The following BRCA2 variants were observed in gnomAD, a reference collection of about 807,000 sequenced individuals.
BRCA2 encodes the protein breast cancer type 2 susceptibility protein.
A neutral mutation model predicts 276.7 loss-of-function variants in BRCA2; 203 were observed. That is an observed-to-expected ratio of 0.73 (90% CI 0.65 to 0.82). BRCA2 has a LOEUF of 0.82. BRCA2 is among the 40% of genes least tolerant of loss of function. The pLI is 0.00. For missense variants in BRCA2, 3,920 were observed against 3,915.0 expected (o/e 1.00, Z -0.03); for synonymous variants, 1,289 against 1,338.4 (o/e 0.96, Z 0.81).
intron 16 of BRCA2, among the ~76,000 whole-genome samples, chr13:32,359,240 A>G (rs1035822639): frequency 7.3e-5 from 11 of 151,418 alleles, no homozygotes; most frequent in Non-Finnish European, 1.2e-4. Context: ...AAAAAAAAAA[A>G]AAAGAAAGTT....
chr13:32,388,732 T>C (rs1183810267), intron 24 of BRCA2, among the ~76,000 whole-genome samples: 1 of 151,250 alleles, frequency 6.6e-6, no homozygotes, highest in African/African-American at 2.4e-5. Flanking sequence ...TTAAGTCAAA[T>C]TGATTAATGT....
At chr13:32,319,049 A>C in intron 2 of BRCA2, 28 bp from the exon 3 acceptor site, 1 of 1,610,790 alleles carries the variant, frequency 6.2e-7, no homozygotes, top group African/African-American at 1.3e-5. Context: ...ACTGGTTAAA[A>C]CTAAGGTGGG....
At chr13:32,376,547 T>C (rs2072873073) in intron 20 of BRCA2, 123 bp from the exon 21 acceptor site, 1 of 1,111,402 alleles carries the variant, frequency 9.0e-7, no homozygotes, top group East Asian at 2.6e-5. Context: ...AAAAAACTTT[T>C]AGCAGTTATA....
chr13:32,393,241 A>G (rs1007171149), intron 24 of BRCA2, among the ~76,000 whole-genome samples: 1 of 152,184 alleles, frequency 6.6e-6, no homozygotes, highest in Non-Finnish European at 1.5e-5. Context: ...TTCACATCAA[A>G]CTAGCATTCA....
intron 19 of BRCA2, 35 bp from the exon 20 acceptor site, chr13:32,370,921 G>A (rs2137599492): frequency 1.9e-6 from 3 of 1,613,202 alleles, no homozygotes; most frequent in Middle Eastern, 1.7e-4. Flanking sequence ...TGTTATATAT[G>A]TGACTTTTTT....
intron 24 of BRCA2, among the ~76,000 whole-genome samples, chr13:32,387,087 G>A (rs991467884): frequency 1.3e-5 from 2 of 152,052 alleles, no homozygotes; most frequent in African/African-American, 2.4e-5. Flanking sequence ...CAATGTACAT[G>A]TCTGTGTCTA....
At chr13:32,326,366 A>G (rs2137451218) in intron 6 of BRCA2, 84 bp downstream of exon 6, 1 of 1,509,954 alleles carries the variant, frequency 6.6e-7, no homozygotes, top group Non-Finnish European at 9.2e-7. Flanking sequence ...GAGATTTACA[A>G]ATCTGTACCT....
intron 14 of BRCA2, 22 bp from the exon 15 acceptor site, chr13:32,356,406 C>G (rs754826585): frequency 1.2e-6 from 2 of 1,606,570 alleles, no homozygotes; most frequent in Non-Finnish European, 1.7e-6. Flanking sequence ...TTTATTTTTG[C>G]TAAGTATTTA....
chr13:32,344,710 T>G (rs2072599598), intron 12 of BRCA2, 57 bp downstream of exon 12: 2 of 1,267,714 alleles, frequency 1.6e-6, no homozygotes, highest in Non-Finnish European at 2.3e-6. Flanking sequence ...GTATATAATA[T>G]TCTGACCTCA....
chr13:32,343,880 A>C (rs2072591010), intron 11 of BRCA2, among the ~76,000 whole-genome samples: 1 of 152,096 alleles, frequency 6.6e-6, no homozygotes, highest in Non-Finnish European at 1.5e-5. Context: ...ACACCTCCTA[A>C]AGCCTTGCAT....
intron 13 of BRCA2, 114 bp downstream of exon 13, chr13:32,347,010 G>C (rs112941253): frequency 6.9e-6 from 5 of 722,270 alleles, no homozygotes; most frequent in Non-Finnish European, 1.1e-5. Flanking sequence ...AACACTTCCC[G>C]TTTTATAAAA....
rs2072458925 is a variant in BRCA2, at chr13:32,336,852, C to T, written c.2497C>T (p.Leu833=). Residue 833 remains leucine (L), a synonymous_variant, in exon 11 of 27, where the codon CTG becomes TTG. Coordinates refer to ENST00000380152, the MANE Select transcript of BRCA2 (RefSeq NM_000059.4). Reference sequence around the variant, plus strand: ...AAATGAAAATTATAAAAACGTTGAGCTGTTGCCACCTGAAAAATACATGAG... The same window carrying T: ...AAATGAAAATTATAAAAACGTTGAGTTGTTGCCACCTGAAAAATACATGAG... ...ALNENYKNVE[L]LPPEKYMRVA... 1 of 1,606,768 alleles carries T rather than the reference C, an allele frequency of 6.2e-7. No individual in the cohort carries two copies. The highest frequency in any genetic ancestry group is 2.2e-5 in the East Asian group (1 of 44,844).
At chr13:32,317,159 A>G (rs1242799207) in intron 2 of BRCA2, among the ~76,000 whole-genome samples, 1 of 152,234 alleles carries the variant, frequency 6.6e-6, no homozygotes, top group African/African-American at 2.4e-5. Context: ...AGATCATGCC[A>G]CTGCACTCTA....
Position 32,337,410 on chromosome 13 carries a change from C to T in BRCA2, c.3055C>T (p.Leu1019Phe), listed in dbSNP as rs55638633. ...AACAGCTTCAAATAAGGAAATCAAGCTCTCTGAACATAACATTAAGAAGAG... is the reference window on the plus strand; with the variant it reads ...AACAGCTTCAAATAAGGAAATCAAGTTCTCTGAACATAACATTAAGAAGAG... ...FRTASNKEIK[L>F]SEHNIKKSKM... The change falls in exon 11 of 27, where the codon CTC (leucine) becomes TTC (phenylalanine). Residue 1019 changes from leucine (L) to phenylalanine (F), a missense_variant. Coordinates refer to ENST00000380152, the MANE Select transcript of BRCA2 (RefSeq NM_000059.4). The T allele has an allele frequency of 2.5e-6, 4 of 1,613,392 alleles. No individual in the cohort carries two copies. Among genetic ancestry groups the T allele is most frequent in the Non-Finnish European group, 3.4e-6 (4 of 1,179,634 alleles).
rs1469613202 is a variant in BRCA2, at chr13:32,371,115, ATGG to A, written c.8632+17_8632+19del. The A allele has an allele frequency of 1.2e-6, 2 of 1,611,056 alleles. No homozygotes were observed. Among genetic ancestry groups the A allele is most frequent in the Non-Finnish European group, 1.7e-6 (2 of 1,177,550 alleles). ...AGAACATGAAGGTAAAATTAGTTATATGGTACACATTGTTATTTCTAATATGAG... is the reference window on the plus strand; with the variant it reads ...AGAACATGAAGGTAAAATTAGTTATATACACATTGTTATTTCTAATATGAG... On this transcript the variant is annotated intron_variant, in intron 20 of 26. Coordinates refer to ENST00000380152, the MANE Select transcript of BRCA2 (RefSeq NM_000059.4).
chr13:32,392,495 G>C (rs2073003558), intron 24 of BRCA2, among the ~76,000 whole-genome samples: 1 of 151,826 alleles, frequency 6.6e-6, no homozygotes, highest in Non-Finnish European at 1.5e-5. Flanking sequence ...AGACCAGCCT[G>C]GCCAACATGG....
intron 24 of BRCA2, among the ~76,000 whole-genome samples, chr13:32,391,531 G>T (rs1049703612): frequency 6.6e-5 from 10 of 152,334 alleles, no homozygotes; most frequent in African/African-American, 2.4e-4. Flanking sequence ...AGAAGCTGGA[G>T]GATCACATGC....
At chr13:32,396,791 C>T in intron 25 of BRCA2, 107 bp from the exon 26 acceptor site, 1 of 1,418,852 alleles carries the variant, frequency 7.0e-7, no homozygotes, top group Admixed American at 1.7e-5. Flanking sequence ...GTTTTTCATT[C>T]TTTTTTGGTC....
rs11571572 is a variant in BRCA2 at position 32,315,859 on chromosome 13, C to T, written c.-40+192C>T. ...TTTCGCCAAGCAAATTCGAGCCCCG[C>T]CCCTTCCCTGGGTCTCCATTTCCCG... is the stretch of plus-strand genomic sequence containing the variant. On this transcript the variant is annotated intron_variant, in intron 1 of 26. Transcript: ENST00000380152. Among the ~76,000 whole-genome samples the T allele has an allele frequency of 1.2e-3, 179 of 152,340 alleles. 5 individuals are homozygous for T. In the East Asian group the frequency reaches 0.024, roughly 21 times the overall value.
Sources: gnomAD v4.1 joint callset for allele counts (sites outside exome capture counted in the v4.1 genomes callset) on GRCh38, gnomAD v4.1.1 for gene constraint, MANE v1.5 for transcripts, NCBI Gene and HGNC (gene_info 2026-07-23, HGNC 2026-07-21) for gene names.